The following DLG2 variants were observed in gnomAD, a reference collection of about 807,000 sequenced individuals.
DLG2 encodes the protein discs large MAGUK scaffold protein 2.
In DLG2, 45 loss-of-function variants were observed where a neutral mutation model predicts 132.5. The ratio of observed to expected loss-of-function variants is 0.34; its 90% CI spans 0.27 to 0.44. DLG2 has a LOEUF of 0.44. Ranked by LOEUF, DLG2 falls within the 20% of genes least tolerant of loss-of-function variation. The pLI is 1.00. For synonymous variants in DLG2, 424 were observed against 419.6 expected (o/e 1.01, Z -0.13); for missense variants, 1,045 against 1,196.9 (o/e 0.87, Z 1.87).
intron 6 of DLG2, among the ~76,000 whole-genome samples, chr11:84,609,751 G>C (rs2099592118): frequency 6.6e-6 from 1 of 152,116 alleles, no homozygotes; most frequent in Non-Finnish European, 1.5e-5. Context: ...AGAGGATGTT[G>C]AGTGAATTAG....
At chr11:84,677,221 C>T (rs1009527947) in intron 6 of DLG2, among the ~76,000 whole-genome samples, 1 of 152,018 alleles carries the variant, frequency 6.6e-6, no homozygotes, top group Non-Finnish European at 1.5e-5. Context: ...TGCCTAACTT[C>T]CTTTTGATTC....
chr11:84,831,910 C>G (rs903282496), intron 6 of DLG2, among the ~76,000 whole-genome samples: 4 of 151,678 alleles, frequency 2.6e-5, no homozygotes, highest in African/African-American at 9.7e-5. Context: ...CAACTCACTT[C>G]AGGAAACAGA....
At chr11:84,356,659 A>C (rs1414476059) in intron 7 of DLG2, among the ~76,000 whole-genome samples, 3 of 152,066 alleles carry the variant, frequency 2.0e-5, no homozygotes, top group Admixed American at 1.3e-4. Context: ...GAAAGTAGTA[A>C]ATATTATTAA....
At chr11:83,594,035 G>A (rs2097241175) in intron 19 of DLG2, among the ~76,000 whole-genome samples, 1 of 152,136 alleles carries the variant, frequency 6.6e-6, no homozygotes, top group Non-Finnish European at 1.5e-5. Flanking sequence ...AAAATACAAG[G>A]CCCTTAGATT....
At chr11:83,498,246 G>A (rs2094255911) in intron 21 of DLG2, among the ~76,000 whole-genome samples, 1 of 152,066 alleles carries the variant, frequency 6.6e-6, no homozygotes, top group African/African-American at 2.4e-5. Context: ...CATATTAATA[G>A]CTCTCACCAT....
chr11:84,944,316 T>G (rs1016238416), intron 6 of DLG2, among the ~76,000 whole-genome samples: 5 of 152,180 alleles, frequency 3.3e-5, no homozygotes, highest in African/African-American at 9.7e-5. Flanking sequence ...CAAATAAACT[T>G]TCTACCCCAA....
intron 16 of DLG2, among the ~76,000 whole-genome samples, chr11:83,838,671 C>A (rs897101534): frequency 1.3e-5 from 2 of 152,118 alleles, no homozygotes; most frequent in Non-Finnish European, 2.9e-5. Flanking sequence ...TCCATCAACA[C>A]TAGCTCCCAG....
intron 18 of DLG2, among the ~76,000 whole-genome samples, chr11:83,658,439 A>G (rs1166811622): frequency 3.3e-5 from 5 of 152,282 alleles, no homozygotes; most frequent in Admixed American, 3.3e-4. Flanking sequence ...ATCAAAGGTT[A>G]AGTCTGTTCT....
At chr11:85,200,811 G>A (rs762161908) in intron 4 of DLG2, among the ~76,000 whole-genome samples, 3 of 151,654 alleles carry the variant, frequency 2.0e-5, no homozygotes, top group Non-Finnish European at 4.4e-5. Flanking sequence ...TCCAGCCCCA[G>A]TCTGCTGCAG....
chr11:83,946,702 A>G (rs2154143744), intron 14 of DLG2, among the ~76,000 whole-genome samples: 1 of 152,332 alleles, frequency 6.6e-6, no homozygotes, highest in South Asian at 2.1e-4. Flanking sequence ...GGGAAGACAA[A>G]AAATTGTGAC....
intron 6 of DLG2, among the ~76,000 whole-genome samples, chr11:84,958,288 T>C (rs762725882): frequency 9.9e-5 from 15 of 152,144 alleles, no homozygotes; most frequent in Non-Finnish European, 1.9e-4. Flanking sequence ...AAGGACCAAA[T>C]TCTACGGAGA....
chr11:85,225,526 A>G (rs1456191176), intron 4 of DLG2, among the ~76,000 whole-genome samples: 1 of 151,734 alleles, frequency 6.6e-6, no homozygotes, highest in African/African-American at 2.4e-5. Context: ...TTCCAAAGTT[A>G]ACTTTCTTCT....
At chr11:84,617,532 T>C (rs990774095) in intron 6 of DLG2, among the ~76,000 whole-genome samples, 3 of 152,170 alleles carry the variant, frequency 2.0e-5, no homozygotes, top group Admixed American at 6.5e-5. Flanking sequence ...ATGGTATTTC[T>C]GGTTCTAAAT....
At chr11:85,501,716 T>C (rs911275424) in intron 3 of DLG2, among the ~76,000 whole-genome samples, 1 of 151,396 alleles carries the variant, frequency 6.6e-6, no homozygotes, top group Non-Finnish European at 1.5e-5. Context: ...AAACCACAAT[T>C]AGATACCATC....
At chr11:85,468,850 G>A (rs566141327) in intron 3 of DLG2, among the ~76,000 whole-genome samples, 2 of 152,218 alleles carry the variant, frequency 1.3e-5, no homozygotes, top group African/African-American at 4.8e-5. Context: ...TAGAGATGGA[G>A]TCTCACCACA....
At chr11:83,577,339 T>C (rs556639273) in intron 19 of DLG2, among the ~76,000 whole-genome samples, 2 of 149,646 alleles carry the variant, frequency 1.3e-5, no homozygotes, top group Non-Finnish European at 3.0e-5. Flanking sequence ...TAATAGGAGA[T>C]ATATATATCT....
intron 6 of DLG2, among the ~76,000 whole-genome samples, chr11:84,707,919 G>A (rs182381473): frequency 1.1e-4 from 17 of 151,902 alleles, no homozygotes; most frequent in Admixed American, 5.3e-4. Context: ...GTCAGTCCCC[G>A]GAAAATGCTC....
At chr11:84,726,344 T>C (rs1478291104) in intron 6 of DLG2, among the ~76,000 whole-genome samples, 1 of 152,060 alleles carries the variant, frequency 6.6e-6, no homozygotes, top group Non-Finnish European at 1.5e-5. Flanking sequence ...AACTCCCACT[T>C]ATGAGTGAGA....
At chr11:84,933,995 C>T (rs1290175119) in intron 6 of DLG2, among the ~76,000 whole-genome samples, 3 of 152,062 alleles carry the variant, frequency 2.0e-5, no homozygotes, top group Non-Finnish European at 4.4e-5. Context: ...TGTTGGTTGT[C>T]GGTTTGTTCT....
Sources: gnomAD v4.1 joint callset for allele counts (sites outside exome capture counted in the v4.1 genomes callset) on GRCh38, gnomAD v4.1.1 for gene constraint, MANE v1.5 for transcripts, NCBI Gene and HGNC (gene_info 2026-07-23, HGNC 2026-07-21) for gene names.